JAKMIP3: variants seen among roughly 807,000 people sequenced by gnomAD.
JAKMIP3 encodes the protein Janus kinase and microtubule interacting protein 3, also known as janus kinase and microtubule-interacting protein 3.
Under a neutral mutation model 118.5 loss-of-function variants are expected in JAKMIP3, and 58 were observed. The observed-to-expected ratio is 0.49, with a 90% CI of 0.40 to 0.61. The LOEUF (loss-of-function observed/expected upper bound fraction) is 0.61, where lower values mean the gene tolerates loss of function less well. Ranked by LOEUF, JAKMIP3 falls within the 20% of genes least tolerant of loss-of-function variation. The pLI is 0.00. For missense variants in JAKMIP3, 950 were observed against 1,109.0 expected (o/e 0.86, Z 2.04); for synonymous variants, 486 against 451.2 (o/e 1.08, Z -0.98).
At chr10:132,097,138 G>T (rs2043982791) in intron 1 of JAKMIP3, among the ~76,000 whole-genome samples, 1 of 152,248 alleles carries the variant, frequency 6.6e-6, no homozygotes, top group African/African-American at 2.4e-5. Flanking sequence ...AGGCAAAGGT[G>T]TCGGGAACCT....
At chr10:132,061,201 CACACCTGCCGTGACGGCGCACACAT>C (rs1348804160), upstream of JAKMIP3, among the ~76,000 whole-genome samples, 232 of 122,266 alleles carry the variant, frequency 1.9e-3, 1 homozygote, top group Middle Eastern at 4.6e-3. Flanking sequence ...GGCGCACACA[CACACCTGCCGTGACGGCGCACACAT>C]ACACCTGCCG....
At chr10:132,167,293 C>T (rs2059007123) in intron 22 of JAKMIP3, among the ~76,000 whole-genome samples, 1 of 152,220 alleles carries the variant, frequency 6.6e-6, no homozygotes, top group Non-Finnish European at 1.5e-5. Flanking sequence ...CTCACCTTTC[C>T]TGAACGGGAA....
At position 132,135,964 on chromosome 10, in the gene JAKMIP3, A is replaced by G; in HGVS notation, c.1004A>G (p.Lys335Arg). The G allele has an allele frequency of 6.2e-7, 1 of 1,613,468 alleles. No individual in the cohort carries two copies. Among genetic ancestry groups the G allele is most frequent in the Non-Finnish European group, 8.5e-7 (1 of 1,179,716 alleles). Residue 335 changes from lysine to arginine, a missense_variant, in exon 6 of 24, where the codon AAG (lysine) becomes AGG (arginine). By Grantham distance (26) the Lys-to-Arg change is conservative. Coordinates refer to ENST00000684848, the MANE Select transcript of JAKMIP3 (RefSeq NM_001323087.2). Reference sequence around the variant, plus strand: ...GTAAGAGAAGCTGAGAGTCAGTACAAGCCTCTGCTGGATAAAAACAAGCGC... The same window carrying G: ...GTAAGAGAAGCTGAGAGTCAGTACAGGCCTCTGCTGGATAAAAACAAGCGC... ...KRVREAESQY[K>R]PLLDKNKRLS...
At position 132,078,690 on chromosome 10, in the gene JAKMIP3, G is replaced by A. The variant is rs1485129456; in HGVS notation, c.-138+12629G>A. Among the ~76,000 whole-genome samples the A allele has an allele frequency of 6.6e-5, 10 of 152,142 alleles. No individual in the cohort carries two copies. In the East Asian group the frequency reaches 1.9e-3, roughly 29 times the overall value. On this transcript the variant is annotated intron_variant, in intron 1 of 23. Transcript: ENST00000684848. ...TCATGTAGCTACTCCTGAGGTTTTGGGGTTTCTTTTCCAGTTGGGTAAAAC... is the reference window on the plus strand; with the variant it reads ...TCATGTAGCTACTCCTGAGGTTTTGAGGTTTCTTTTCCAGTTGGGTAAAAC...
At chr10:132,164,003 C>T (rs1232426936) in intron 20 of JAKMIP3, among the ~76,000 whole-genome samples, 1 of 152,208 alleles carries the variant, frequency 6.6e-6, no homozygotes, top group Non-Finnish European at 1.5e-5. Flanking sequence ...CCAGCTTCTC[C>T]GTGAGCCAGG....
At chr10:132,088,169 T>C (rs201401655) in intron 1 of JAKMIP3, among the ~76,000 whole-genome samples, 53,175 of 151,190 alleles carry the variant, frequency 0.35, 9,694 homozygotes, top group African/African-American at 0.47. Context: ...AGTAAACATA[T>C]GTGTGCATGT....
intron 1 of JAKMIP3, among the ~76,000 whole-genome samples, chr10:132,093,468 C>G (rs1308564560): frequency 1.3e-5 from 2 of 152,248 alleles, no homozygotes; most frequent in Non-Finnish European, 2.9e-5. Flanking sequence ...TCGCTGCCAC[C>G]TTGCAGTTAG....
At chr10:132,161,031 C>G (rs1006443125) in intron 19 of JAKMIP3, among the ~76,000 whole-genome samples, 11 of 14,172 alleles carry the variant, frequency 7.8e-4, no homozygotes, top group Admixed American at 2.6e-3. Context: ...CTGGGGGGGC[C>G]TCTTCCTGTG....
upstream of JAKMIP3, among the ~76,000 whole-genome samples, chr10:132,062,603 A>G (rs190843473): frequency 1.4e-4 from 22 of 152,378 alleles, no homozygotes; most frequent in East Asian, 4.0e-3. Context: ...AGAAAATTGC[A>G]AAAGGATATG....
intron 2 of JAKMIP3, among the ~76,000 whole-genome samples, chr10:132,115,851 G>A (rs543217133): frequency 1.3e-5 from 2 of 152,358 alleles, no homozygotes; most frequent in East Asian, 3.9e-4. Context: ...GGGCTCAGCT[G>A]TCCTCCAGCT....
intron 14 of JAKMIP3, 23 bp downstream of exon 14, chr10:132,148,073 C>G (rs371432026): frequency 8.9e-6 from 13 of 1,457,068 alleles, no homozygotes; most frequent in Non-Finnish European, 1.0e-5. Flanking sequence ...ATGGCCAGCA[C>G]TGTGGCCTGT....
chr10:132,081,621 C>G (rs146670264), intron 1 of JAKMIP3, among the ~76,000 whole-genome samples: 1 of 152,126 alleles, frequency 6.6e-6, no homozygotes, highest in Non-Finnish European at 1.5e-5. Context: ...GCGAGGCCTC[C>G]GGTTCTGCCT....
At chr10:132,123,217 G>A (rs924646666) in intron 3 of JAKMIP3, among the ~76,000 whole-genome samples, 1 of 152,206 alleles carries the variant, frequency 6.6e-6, no homozygotes, top group Non-Finnish European at 1.5e-5. Flanking sequence ...GGACAGGGCC[G>A]AGCTGGGGCC....
intron 19 of JAKMIP3, among the ~76,000 whole-genome samples, chr10:132,155,052 ATGG>A (rs1564974683): frequency 3.5e-3 from 2 of 572 alleles, no homozygotes; most frequent in Non-Finnish European, 6.0e-3. Flanking sequence ...TCATGATGAC[ATGG>A]TGGTAGTAGT....
rs371087880 is a variant in JAKMIP3, at chr10:132,059,504, CAGG to C, written c.-138+22773_-138+22775del. Among the ~76,000 whole-genome samples the C allele has an allele frequency of 6.0e-4, 92 of 152,392 alleles. 1 individual carries two copies. The highest frequency in any genetic ancestry group is 2.2e-3 in the African/African-American group (91 of 41,600). On this transcript the variant is annotated intron_variant, in intron 1 of 23. Transcript: ENST00000657785. ...GCAAGGATGACCCAGCCGCCCTGTGCAGGAGGAGGCCAGGCTCAGCCCTGAGGC... is the reference window on the plus strand; with the variant it reads ...GCAAGGATGACCCAGCCGCCCTGTGCAGGAGGCCAGGCTCAGCCCTGAGGC...
chr10:132,057,800 C>A (rs2038280903), intron 1 of JAKMIP3, among the ~76,000 whole-genome samples: 1 of 152,206 alleles, frequency 6.6e-6, no homozygotes, highest in African/African-American at 2.4e-5. Context: ...CAGTGCCGTC[C>A]TGGACAGCGC....
At position 132,112,080 on chromosome 10, in the gene JAKMIP3, G is replaced by A. The variant is rs1443046019; in HGVS notation, c.136-4997G>A. ...GGTGCATGGGATGCTCCAGGCTTGG[G>A]TCTGAGCAGCAGTGGCCGGGCTGCC... On this transcript the variant is annotated intron_variant, in intron 2 of 23. Coordinates refer to ENST00000684848, the MANE Select transcript of JAKMIP3 (RefSeq NM_001323087.2). The surrounding 1 kb of genome is among the most constrained non-coding windows in gnomAD (Gnocchi z 4.3). Among the ~76,000 whole-genome samples the A allele has an allele frequency of 1.3e-5, 2 of 151,970 alleles. No homozygotes were observed. Among genetic ancestry groups the A allele is most frequent in the Non-Finnish European group, 2.9e-5 (2 of 67,946 alleles).
At chr10:132,160,054 C>G (rs921059112) in intron 19 of JAKMIP3, among the ~76,000 whole-genome samples, 2 of 3,816 alleles carry the variant, frequency 5.2e-4, no homozygotes, top group Non-Finnish European at 7.6e-4. Flanking sequence ...GTGATGCAGG[C>G]GGTGGCCTCT....
At chr10:132,127,504 C>T (rs11146201) in intron 3 of JAKMIP3, among the ~76,000 whole-genome samples, 7,079 of 152,214 alleles carry the variant, frequency 0.047, 354 homozygotes, top group African/African-American at 0.11. Context: ...ATCCACCCGC[C>T]TCAGCCTTCC....
Sources: gnomAD v4.1 joint callset for allele counts (sites outside exome capture counted in the v4.1 genomes callset) on GRCh38, gnomAD v4.1.1 for gene constraint, Gnocchi (gnomAD v3.1) non-coding constraint, MANE v1.5 for transcripts, NCBI Gene and HGNC (gene_info 2026-07-23, HGNC 2026-07-21) for gene names.